The following SLC9A8 variants were observed in gnomAD, a reference collection of about 807,000 sequenced individuals.
SLC9A8 encodes sodium/hydrogen exchanger 8.
SLC9A8 carries 48 observed loss-of-function variants against 66.6 expected under a neutral mutation model. That is an observed-to-expected ratio of 0.72 (90% confidence interval 0.57 to 0.92). The LOEUF (loss-of-function observed/expected upper bound fraction) is 0.92. Ranked by LOEUF, SLC9A8 falls within the 40% of genes least tolerant of loss-of-function variation. SLC9A8 has a pLI of 0.00. For synonymous variants in SLC9A8, 274 were observed against 282.6 expected, an observed-to-expected ratio of 0.97 and a Z score of 0.31; for missense variants, 599 against 747.3, an observed-to-expected ratio of 0.80 and a Z score of 2.31.
chr20:49,873,631 C>T lies in SLC9A8; in HGVS notation c.959-1074C>T, dbSNP rs1336603198. Among the ~76,000 whole-genome samples, 6 of 151,554 alleles carry T rather than the reference C, an allele frequency of 4.0e-5. No homozygotes were observed. The South Asian group carries it at 1.0e-3, about 26-fold the overall frequency. Reference sequence around the variant, plus strand: ...ACCAAAAATACAAAAATGAGCTGGGCATGGTGGTGAACACTTGTAATCCCA... The same window carrying T: ...ACCAAAAATACAAAAATGAGCTGGGTATGGTGGTGAACACTTGTAATCCCA... On this transcript the variant is annotated intron_variant, in intron 10 of 15. Transcript: ENST00000361573.
chr20:49,855,732 T>C, intron 8 of SLC9A8, 151 bp downstream of exon 8: 1 of 778,638 alleles, frequency 1.3e-6, no homozygotes, highest in Non-Finnish European at 2.0e-6. Flanking sequence ...ATTTCTGTCC[T>C]GACAAGCCTT....
intron 3 of SLC9A8, chr20:49,830,213 C>A: frequency 1.2e-6 from 1 of 824,554 alleles, no homozygotes; most frequent in Non-Finnish European, 2.2e-6. Context: ...CCGTGAATGG[C>A]AGCATCACAG....
At chr20:49,823,617 C>T (rs1379098405) in intron 3 of SLC9A8, among the ~76,000 whole-genome samples, 1 of 152,014 alleles carries the variant, frequency 6.6e-6, no homozygotes, top group African/African-American at 2.4e-5. Context: ...TGCTCTACCC[C>T]ACTTACATTT....
At chr20:49,849,895 A>G (rs530682845) in intron 6 of SLC9A8, among the ~76,000 whole-genome samples, 1 of 152,304 alleles carries the variant, frequency 6.6e-6, no homozygotes, top group South Asian at 2.1e-4. Flanking sequence ...TCTGGAATTG[A>G]GTAAAACTTT....
At chr20:49,874,264 C>CGAA (rs1568867524) in intron 10 of SLC9A8, among the ~76,000 whole-genome samples, 10 of 150,342 alleles carry the variant, frequency 6.7e-5, no homozygotes, top group African/African-American at 2.5e-4. Context: ...GTCCCCCCCC[C>CGAA]AAAAAAAAGG....
intron 5 of SLC9A8, among the ~76,000 whole-genome samples, chr20:49,846,357 A>G (rs1291844608): frequency 6.6e-6 from 1 of 152,004 alleles, no homozygotes; most frequent in African/African-American, 2.4e-5. Flanking sequence ...AGTTTAGGCC[A>G]GTCCTTGGAG....
At chr20:49,843,263 A>G (rs2087840444) in intron 4 of SLC9A8, among the ~76,000 whole-genome samples, 1 of 152,232 alleles carries the variant, frequency 6.6e-6, no homozygotes, top group East Asian at 1.9e-4. Flanking sequence ...GATCCTGAGA[A>G]TAGGTTGCCC....
At chr20:49,812,999 G>A (rs1402550406) in intron 1 of SLC9A8, 51 bp downstream of exon 1, 3 of 1,360,856 alleles carry the variant, frequency 2.2e-6, no homozygotes, top group Non-Finnish European at 2.8e-6. Context: ...GGGCCCCGGC[G>A]GGTGACAGCG....
At chr20:49,813,064 C>A in intron 1 of SLC9A8, 116 bp downstream of exon 1, 2 of 843,840 alleles carry the variant, frequency 2.4e-6, no homozygotes, top group Non-Finnish European at 1.6e-6. Context: ...TGCTGGTTGG[C>A]CAGGACTGAC....
intron 13 of SLC9A8, among the ~76,000 whole-genome samples, chr20:49,883,191 G>A (rs1353440112): frequency 6.6e-6 from 1 of 152,076 alleles, no homozygotes; most frequent in African/African-American, 2.4e-5. Context: ...TTCCAGCTCA[G>A]TCCATGCCCC....
rs201265407 is a variant in SLC9A8, at chr20:49,883,919, C to T, written c.1344C>T (p.Ile448=). 12 of 1,611,628 alleles carry T rather than the reference C, an allele frequency of 7.4e-6. No homozygotes were observed. The highest frequency in any genetic ancestry group is 3.3e-5 in the Admixed American group (2 of 60,016). ...AGCCCATGGAGAAGCGGCAGCTCAT[C>T]GGCACCACCACCATCGTCATCGTGC... ...DLEPMEKRQL[I]GTTTIVIVLF... The change falls in exon 14 of 16, where the codon ATC becomes ATT. Residue 448 remains isoleucine, a synonymous_variant. Transcript: ENST00000361573.
chr20:49,875,643 C>T (rs1568869609), intron 11 of SLC9A8, among the ~76,000 whole-genome samples: 1 of 152,230 alleles, frequency 6.6e-6, no homozygotes, highest in African/African-American at 2.4e-5. Flanking sequence ...TGGTTGGAGT[C>T]GGGGAACAGC....
intron 10 of SLC9A8, among the ~76,000 whole-genome samples, chr20:49,873,716 A>G (rs1275570372): frequency 7.3e-6 from 1 of 136,870 alleles, no homozygotes; most frequent in Admixed American, 7.9e-5. Context: ...GGTTGCAGTG[A>G]GTCGATTTCA....
intron 7 of SLC9A8, among the ~76,000 whole-genome samples, chr20:49,853,437 C>T (rs1366773010): frequency 4.6e-5 from 7 of 152,306 alleles, no homozygotes; most frequent in African/African-American, 9.6e-5. Context: ...CCACTGTGCC[C>T]GGCCCAGGAT....
intron 3 of SLC9A8, chr20:49,829,697 G>A: frequency 4.1e-6 from 2 of 482,506 alleles, no homozygotes; most frequent in East Asian, 4.8e-5. Flanking sequence ...CCGCCAAAGA[G>A]TTTCTCAGGA....
At chr20:49,853,525 A>T (rs565096401) in intron 7 of SLC9A8, among the ~76,000 whole-genome samples, 62 of 152,294 alleles carry the variant, frequency 4.1e-4, no homozygotes, top group African/African-American at 1.5e-3. Flanking sequence ...AAAATAAAAG[A>T]GCGACCAGAA....
intron 8 of SLC9A8, among the ~76,000 whole-genome samples, chr20:49,861,251 T>TC (rs887923740): frequency 6.6e-6 from 1 of 152,128 alleles, no homozygotes; most frequent in African/African-American, 2.4e-5. Context: ...GGTAACCTGA[T>TC]CAGGTGTGCC....
chr20:49,838,764 C>G (rs759409530), intron 3 of SLC9A8, among the ~76,000 whole-genome samples: 11 of 152,104 alleles, frequency 7.2e-5, no homozygotes, highest in Non-Finnish European at 1.3e-4. Flanking sequence ...CACCTCCTAC[C>G]CGAGATTGTG....
At chr20:49,883,184 C>T (rs1048698946) in intron 13 of SLC9A8, among the ~76,000 whole-genome samples, 1 of 152,122 alleles carries the variant, frequency 6.6e-6, no homozygotes, top group Non-Finnish European at 1.5e-5. Flanking sequence ...TGCTGTTTTC[C>T]AGCTCAGTCC....
Sources: gnomAD v4.1 joint callset for allele counts (sites outside exome capture counted in the v4.1 genomes callset) on GRCh38, gnomAD v4.1.1 for gene constraint, MANE v1.5 for transcripts, NCBI Gene and HGNC (gene_info 2026-07-23, HGNC 2026-07-21) for gene names.